NCKAP5: variants seen among roughly 807,000 people sequenced by gnomAD.
NCKAP5 encodes nck-associated protein 5.
A neutral mutation model predicts 167.0 loss-of-function variants in NCKAP5; 92 were observed. The observed-to-expected ratio is 0.55, with a 90% CI of 0.47 to 0.66. The LOEUF (loss-of-function observed/expected upper bound fraction) is 0.66. NCKAP5 is among the 30% of genes least tolerant of loss of function. The pLI, the probability that NCKAP5 is intolerant of heterozygous loss-of-function variation, is 0.00. For synonymous variants in NCKAP5, 891 were observed against 877.4 expected (o/e 1.02, Z -0.27); for missense variants, 2,378 against 2,315.0 (o/e 1.03, Z -0.56).
At position 132,838,428 on chromosome 2, in the gene NCKAP5, G is replaced by T. The variant is rs1688057855; in HGVS notation, c.807+22064C>A. 2.0e-5 allele frequency among the ~76,000 whole-genome samples: 3 copies of T among 152,062 alleles called. No homozygotes were observed. In the South Asian group the frequency reaches 6.2e-4, roughly 32 times the overall value. ...GGGTGGATCACGAGGTCAGGAGATT[G>T]AGACCATCCTGGCTAACGTGGTGAA... On this transcript the variant is annotated intron_variant, in intron 11 of 19. Coordinates refer to ENST00000409261, the MANE Select transcript of NCKAP5 (RefSeq NM_207363.3).
At chr2:133,610,349 T>C in the NCKAP5 span, among the ~76,000 whole-genome samples, 2 of 152,056 alleles carry the variant, frequency 1.3e-5, no homozygotes, top group Non-Finnish European at 2.9e-5. Context: ...GCTGTATCTG[T>C]TTGGTGGCAG....
At chr2:133,393,154 C>T (rs1156314916) in intron 3 of NCKAP5, among the ~76,000 whole-genome samples, 1 of 152,196 alleles carries the variant, frequency 6.6e-6, no homozygotes, top group African/African-American at 2.4e-5. Context: ...CTGAGTAGAA[C>T]AGAGCTTTCC....
At chr2:133,298,876 CTA>C (rs1225372020) in intron 4 of NCKAP5, among the ~76,000 whole-genome samples, 4 of 152,078 alleles carry the variant, frequency 2.6e-5, no homozygotes, top group Non-Finnish European at 5.9e-5. Context: ...CAAAATAAAA[CTA>C]TCAGAATCAG....
chr2:132,963,135 C>T (rs1427995047), intron 8 of NCKAP5, among the ~76,000 whole-genome samples: 5 of 152,144 alleles, frequency 3.3e-5, no homozygotes, highest in African/African-American at 2.4e-5. Flanking sequence ...GAAATAATGT[C>T]GAATGCCACG....
intron 6 of NCKAP5, among the ~76,000 whole-genome samples, chr2:133,059,701 GA>G (rs1292206508): frequency 5.3e-5 from 8 of 150,386 alleles, no homozygotes; most frequent in South Asian, 2.1e-4. Context: ...AAAAGAAAAA[GA>G]AAAAAAAGGT....
chr2:133,212,274 C>G lies in NCKAP5; in HGVS notation c.207+1442G>C, dbSNP rs531684745. 2.6e-5 allele frequency among the ~76,000 whole-genome samples: 4 copies of G among 152,278 alleles called. No individual in the cohort carries two copies. The South Asian group carries it at 8.3e-4, about 32-fold the overall frequency. ...CCTAGCCCATCAACATTTTGAAATG[C>G]AGTGAAAAGTCCAGATTGGAAATGC... On this transcript the variant is annotated intron_variant, in intron 5 of 19. Coordinates refer to ENST00000409261, the MANE Select transcript of NCKAP5 (RefSeq NM_207363.3).
chr2:133,332,733 T>C (rs555401362), intron 3 of NCKAP5, among the ~76,000 whole-genome samples: 17 of 149,370 alleles, frequency 1.1e-4, no homozygotes, highest in African/African-American at 4.4e-4. Context: ...AAAATAATAA[T>C]AAGTGTTTCT....
At chr2:133,647,199 T>C in the NCKAP5 span, among the ~76,000 whole-genome samples, 1 of 151,864 alleles carries the variant, frequency 6.6e-6, no homozygotes, top group African/African-American at 2.4e-5. Flanking sequence ...CAGCTGGGCA[T>C]GGTTGTGCAT....
intron 6 of NCKAP5, among the ~76,000 whole-genome samples, chr2:132,997,523 T>C (rs1203212522): frequency 6.6e-6 from 1 of 152,188 alleles, no homozygotes; most frequent in South Asian, 2.1e-4. Flanking sequence ...TCTATCTATT[T>C]GGTAGATGAG....
intron 4 of NCKAP5, among the ~76,000 whole-genome samples, chr2:133,220,250 T>C (rs1190748176): frequency 6.6e-6 from 1 of 152,248 alleles, no homozygotes; most frequent in Non-Finnish European, 1.5e-5. Context: ...GTATTGACTT[T>C]ATGATTGCCA....
chr2:132,877,162 CT>C, intron 9 of NCKAP5, among the ~76,000 whole-genome samples: 1 of 152,296 alleles, frequency 6.6e-6, no homozygotes, highest in East Asian at 1.9e-4. Context: ...GCAGTGAGGG[CT>C]GCTGAACTGG....
At chr2:133,043,541 A>T (rs908793603) in intron 6 of NCKAP5, among the ~76,000 whole-genome samples, 2 of 152,096 alleles carry the variant, frequency 1.3e-5, no homozygotes, top group Admixed American at 6.6e-5. Flanking sequence ...TGCAAAAAAA[A>T]CTCATTATGT....
intron 6 of NCKAP5, among the ~76,000 whole-genome samples, chr2:133,058,577 G>A (rs2079881189): frequency 6.6e-6 from 1 of 152,204 alleles, no homozygotes; most frequent in Admixed American, 6.5e-5. Context: ...GAAGCCTGAA[G>A]ATGTGACTGA....
At chr2:132,860,814 T>A (rs563267290) in intron 10 of NCKAP5, among the ~76,000 whole-genome samples, 6 of 152,290 alleles carry the variant, frequency 3.9e-5, no homozygotes, top group East Asian at 1.9e-4. Flanking sequence ...CAATTTTTTT[T>A]AAAAAAGCAC....
chr2:133,116,483 G>A (rs1325607156), intron 6 of NCKAP5, among the ~76,000 whole-genome samples: 5 of 49,780 alleles, frequency 1.0e-4, no homozygotes, highest in African/African-American at 2.5e-4. Flanking sequence ...GCGAGACTCC[G>A]TCTCAAAAAA....
intron 3 of NCKAP5, among the ~76,000 whole-genome samples, chr2:133,319,170 C>A (rs1313185853): frequency 1.3e-5 from 2 of 150,802 alleles, no homozygotes; most frequent in Non-Finnish European, 3.0e-5. Context: ...CCCTTCCACC[C>A]CCTGCATTTT....
chr2:132,729,530 A>C (rs7596376), intron 17 of NCKAP5, among the ~76,000 whole-genome samples: 18,035 of 152,178 alleles, frequency 0.12, 1,662 homozygotes, highest in East Asian at 0.45. Flanking sequence ...CATATGGATC[A>C]GCTGAGCTTT....
At chr2:133,064,238 G>T (rs992074540) in intron 6 of NCKAP5, among the ~76,000 whole-genome samples, 1 of 152,196 alleles carries the variant, frequency 6.6e-6, no homozygotes. Flanking sequence ...AAACAAATTT[G>T]CAATGTTCTA....
At chr2:133,420,113 A>C (rs1300477094) in intron 3 of NCKAP5, among the ~76,000 whole-genome samples, 1 of 152,232 alleles carries the variant, frequency 6.6e-6, no homozygotes, top group Non-Finnish European at 1.5e-5. Context: ...AGAATCTATT[A>C]GTTTTAAGAC....
Sources: allele counts gnomAD v4.1 joint callset (sites outside exome capture counted in the v4.1 genomes callset), GRCh38; gene constraint gnomAD v4.1.1; transcripts MANE v1.5; gene names NCBI Gene and HGNC (gene_info 2026-07-23, HGNC 2026-07-21).